Variants in MEIS2 observed in about 807,000 individuals in gnomAD.
The protein encoded by MEIS2 is homeobox protein Meis2.
A neutral mutation model predicts 58.6 loss-of-function variants in MEIS2; 9 were observed. That is an observed-to-expected ratio of 0.15 (90% confidence interval 0.09 to 0.27). The LOEUF is 0.27. Ranked by LOEUF, MEIS2 falls within the 10% of genes least tolerant of loss-of-function variation. The probability of loss-of-function intolerance (pLI) is 1.00; values close to 1 mark genes in which losing one functional copy is unlikely to be tolerated. For missense variants in MEIS2, 427 were observed against 635.0 expected (o/e 0.67, Z 3.52); for synonymous variants, 221 against 228.4 (o/e 0.97, Z 0.29).
At chr15:37,071,182 G>T (rs1890658553) in intron 7 of MEIS2, among the ~76,000 whole-genome samples, 1 of 152,012 alleles carries the variant, frequency 6.6e-6, no homozygotes, top group Admixed American at 6.6e-5. Context: ...CTATATTATT[G>T]TAGCACAGTG....
chr15:36,951,290 T>G (rs939625089), intron 8 of MEIS2, among the ~76,000 whole-genome samples: 1 of 152,176 alleles, frequency 6.6e-6, no homozygotes, highest in African/African-American at 2.4e-5. Flanking sequence ...TACATAATTA[T>G]GAAATATGTC....
chr15:36,990,842 T>C (rs2060247872), intron 8 of MEIS2, among the ~76,000 whole-genome samples: 1 of 152,070 alleles, frequency 6.6e-6, no homozygotes, highest in African/African-American at 2.4e-5. Flanking sequence ...TATTGAGAGC[T>C]ATTAGATAAA....
intron 7 of MEIS2, among the ~76,000 whole-genome samples, chr15:37,045,960 C>T (rs2062649899): frequency 6.6e-6 from 1 of 152,162 alleles, no homozygotes; most frequent in Non-Finnish European, 1.5e-5. Flanking sequence ...TGGTCCTGAA[C>T]ACCCTCCCCC....
At chr15:37,085,272 G>A (rs1329635678) in intron 6 of MEIS2, among the ~76,000 whole-genome samples, 2 of 152,090 alleles carry the variant, frequency 1.3e-5, no homozygotes, top group Non-Finnish European at 2.9e-5. Flanking sequence ...GTGGGTATAG[G>A]CAACAAATAA....
chr15:37,040,047 G>GTTTT (rs11393172), intron 7 of MEIS2, among the ~76,000 whole-genome samples: 4 of 145,104 alleles, frequency 2.8e-5, no homozygotes, highest in Non-Finnish European at 4.5e-5. Context: ...GGATATTGGT[G>GTTTT]TTTTTTTTTT....
intron 8 of MEIS2, among the ~76,000 whole-genome samples, chr15:36,975,815 G>T (rs2059729380): frequency 6.6e-6 from 1 of 152,258 alleles, no homozygotes; most frequent in African/African-American, 2.4e-5. Flanking sequence ...GGTGACTACA[G>T]TCAAAAACAA....
intron 8 of MEIS2, among the ~76,000 whole-genome samples, chr15:36,974,248 A>T (rs371547433): frequency 6.6e-6 from 1 of 152,222 alleles, no homozygotes; most frequent in African/African-American, 2.4e-5. Context: ...AATTCAAAAA[A>T]TGAATTTCAG....
rs113934358 is a variant in MEIS2 at position 36,971,131 on chromosome 15, T to C, written c.901-20731A>G. Among the ~76,000 whole-genome samples, 227 of 152,172 alleles carry C rather than the reference T, an allele frequency of 1.5e-3. 1 individual carries two copies. Among genetic ancestry groups the C allele is most frequent in the African/African-American group, 5.3e-3 (222 of 41,530 alleles). ...GGGGGTGGGGGATGTAAAGTCGATTTACCTGCCTCTGGCTAGTAACAGGAA... is the reference window on the plus strand; with the variant it reads ...GGGGGTGGGGGATGTAAAGTCGATTCACCTGCCTCTGGCTAGTAACAGGAA... On this transcript the variant is annotated intron_variant, in intron 8 of 11. Coordinates refer to ENST00000561208, the MANE Select transcript of MEIS2 (RefSeq NM_170675.5).
At chr15:37,057,258 T>C (rs1453364497) in intron 7 of MEIS2, among the ~76,000 whole-genome samples, 1 of 152,248 alleles carries the variant, frequency 6.6e-6, no homozygotes, top group Non-Finnish European at 1.5e-5. Context: ...GAAGAATCTC[T>C]CGTGGCGTCC....
Position 37,098,058 on chromosome 15 carries a change from C to A in MEIS2, c.154G>T (p.Gly52Cys). Residue 52 changes from glycine (G) to cysteine (C), a missense_variant, in exon 2 of 12, where the codon GGC becomes TGC. By Grantham distance (159) the Gly-to-Cys change is radical. Coordinates refer to ENST00000561208, the MANE Select transcript of MEIS2 (RefSeq NM_170675.5). ...GPPLHATQHY[G>C]AHAPHPNVMP... ...ACATTGGGGTGCGGGGCGTGCGCGC[C>A]GTAGTGCTGTGTGGCGTGGAGCGGC... The A allele has an allele frequency of 6.2e-7, 1 of 1,613,706 alleles. No homozygotes were observed. Among genetic ancestry groups the A allele is most frequent in the Non-Finnish European group, 8.5e-7 (1 of 1,179,856 alleles).
At chr15:37,076,339 C>T (rs991929905) in intron 7 of MEIS2, among the ~76,000 whole-genome samples, 20 of 152,120 alleles carry the variant, frequency 1.3e-4, no homozygotes, top group African/African-American at 3.6e-4. Context: ...AAATAGAACA[C>T]GTGTATTACA....
chr15:37,075,970 T>C (rs1339775838), intron 7 of MEIS2, among the ~76,000 whole-genome samples: 4 of 151,974 alleles, frequency 2.6e-5, no homozygotes, highest in Admixed American at 2.0e-4. Flanking sequence ...GATACTAAAG[T>C]GGTTCACTTT....
At chr15:36,895,641 A>G (rs1443059892) in intron 10 of MEIS2, among the ~76,000 whole-genome samples, 3 of 152,250 alleles carry the variant, frequency 2.0e-5, no homozygotes, top group African/African-American at 7.2e-5. Context: ...CAAAATGTTC[A>G]TATTTTACAC....
Position 36,892,136 on chromosome 15 carries a change from T to G in MEIS2, c.*37A>C, listed in dbSNP as rs577760910. The G allele has an allele frequency of 2.2e-5, 36 of 1,604,948 alleles. No individual in the cohort carries two copies. The East Asian group carries it at 8.0e-4, about 36-fold the overall frequency. On this transcript the variant is annotated 3_prime_UTR_variant, in exon 12 of 12. Coordinates refer to ENST00000561208, the MANE Select transcript of MEIS2 (RefSeq NM_170675.5). ...AAGTTCAGAAAGTCTTAAAATAGTTTTTGCGTGTGTTTCCTTTTCCCTTGA... is the reference window on the plus strand; with the variant it reads ...AAGTTCAGAAAGTCTTAAAATAGTTGTTGCGTGTGTTTCCTTTTCCCTTGA...
At chr15:36,892,529 T>TAA in intron 11 of MEIS2, 70 bp from the exon 12 acceptor site, 110 of 993,768 alleles carry the variant, frequency 1.1e-4, no homozygotes, top group South Asian at 5.3e-4. Flanking sequence ...CCATCAAAGA[T>TAA]GAAAAGAAAA....
intron 8 of MEIS2, among the ~76,000 whole-genome samples, chr15:36,990,631 A>T (rs941644379): frequency 1.4e-5 from 1 of 70,512 alleles, no homozygotes; most frequent in Non-Finnish European, 3.6e-5. Context: ...GGTATAGTTT[A>T]GTGGGCTTTC....
chr15:37,087,174 A>G (rs1892988213), intron 6 of MEIS2, among the ~76,000 whole-genome samples: 1 of 152,148 alleles, frequency 6.6e-6, no homozygotes, highest in Admixed American at 6.5e-5. Flanking sequence ...ATGCCACAAT[A>G]TATGTCCTGT....
At chr15:36,913,110 C>T (rs2057119362) in intron 9 of MEIS2, among the ~76,000 whole-genome samples, 1 of 152,108 alleles carries the variant, frequency 6.6e-6, no homozygotes, top group Admixed American at 6.5e-5. Flanking sequence ...ACTGTTGTTT[C>T]TAATATTTAA....
rs555992526 is a variant in MEIS2, at chr15:36,953,741, C to T, written c.901-3341G>A. Among the ~76,000 whole-genome samples the T allele has an allele frequency of 4.6e-5, 7 of 152,288 alleles. No individual in the cohort carries two copies. The South Asian group carries it at 1.0e-3, about 23-fold the overall frequency. On this transcript the variant is annotated intron_variant, in intron 8 of 11. Transcript: ENST00000561208. Reference sequence around the variant, plus strand: ...AAGACATGTATGGCTTATGACTTCACGTAGATAGAAAATGTATTGTAATTA... The same window carrying T: ...AAGACATGTATGGCTTATGACTTCATGTAGATAGAAAATGTATTGTAATTA...
Sources: gnomAD v4.1 joint callset for allele counts (sites outside exome capture counted in the v4.1 genomes callset) on GRCh38, gnomAD v4.1.1 for gene constraint, MANE v1.5 for transcripts, NCBI Gene and HGNC (gene_info 2026-07-23, HGNC 2026-07-21) for gene names.